CPQ: variants seen among roughly 807,000 people sequenced by gnomAD.
CPQ encodes carboxypeptidase Q, also known as Ser-Met dipeptidase.
CPQ carries 37 observed loss-of-function variants against 45.7 expected under a neutral mutation model. The observed-to-expected ratio is 0.81, with a 90% CI of 0.62 to 1.07. The LOEUF is 1.07. Among genes scored for constraint, CPQ ranks in the 50% least tolerant of loss-of-function variants. CPQ has a pLI of 0.00. For missense variants in CPQ, 537 were observed against 572.9 expected (o/e 0.94, Z 0.64); for synonymous variants, 186 against 205.8 (o/e 0.90, Z 0.82).
chr8:96,713,838 A>G (rs1029160939), intron 1 of CPQ, among the ~76,000 whole-genome samples: 1 of 152,248 alleles, frequency 6.6e-6, no homozygotes, highest in Non-Finnish European at 1.5e-5. Flanking sequence ...CTGGTGTGGT[A>G]GTGACAAACT....
intron 4 of CPQ, among the ~76,000 whole-genome samples, chr8:96,906,922 A>G (rs1812586931): frequency 6.6e-6 from 1 of 152,182 alleles, no homozygotes; most frequent in Non-Finnish European, 1.5e-5. Context: ...ATTTTCTAAT[A>G]AGCTATTAGT....
At chr8:97,065,647 C>T (rs1265909376) in intron 6 of CPQ, among the ~76,000 whole-genome samples, 3 of 152,154 alleles carry the variant, frequency 2.0e-5, no homozygotes, top group Non-Finnish European at 4.4e-5. Flanking sequence ...ATCTGGAGAT[C>T]CCTGCCACAT....
At chr8:96,691,020 G>T (rs1376856487) in intron 1 of CPQ, among the ~76,000 whole-genome samples, 1 of 145,232 alleles carries the variant, frequency 6.9e-6, no homozygotes, top group Admixed American at 6.7e-5. Flanking sequence ...AAGAATAAAT[G>T]TACAGAAATT....
At chr8:96,984,500 C>T (rs747823853) in intron 5 of CPQ, among the ~76,000 whole-genome samples, 4 of 152,126 alleles carry the variant, frequency 2.6e-5, no homozygotes, top group African/African-American at 4.8e-5. Flanking sequence ...CAGTTTCTCC[C>T]CTCTGGAAGA....
intron 1 of CPQ, among the ~76,000 whole-genome samples, chr8:96,736,998 A>G (rs923296447): frequency 6.6e-6 from 1 of 151,758 alleles, no homozygotes; most frequent in Admixed American, 6.6e-5. Flanking sequence ...CTCTTTCTGT[A>G]TTTCTCATTC....
chr8:96,785,200 G>A lies in CPQ; in HGVS notation c.303G>A (p.Glu101=). 6.2e-7 allele frequency: 1 copy of A among 1,613,630 alleles called. No individual in the cohort carries two copies. Residue 101 remains glutamate, a synonymous_variant, in exon 2 of 8, where the codon GAG becomes GAA. Coordinates refer to ENST00000220763, the MANE Select transcript of CPQ (RefSeq NM_016134.4). Reference sequence around the variant, plus strand: ...AAAACCTGCAGCAAGATGGGCTGGAGAAAGTTCACCTGGAGCCAGTGAGAA... The same window carrying A: ...AAAACCTGCAGCAAGATGGGCTGGAAAAAGTTCACCTGGAGCCAGTGAGAA... ...MYQNLQQDGL[E]KVHLEPVRIP... is the part of the protein sequence containing the mutation.
intron 7 of CPQ, among the ~76,000 whole-genome samples, chr8:97,088,141 C>T (rs1811071005): frequency 6.6e-6 from 1 of 152,094 alleles, no homozygotes; most frequent in South Asian, 2.1e-4. Flanking sequence ...TGTGTTTGCC[C>T]TGAAAATATT....
At chr8:96,804,607 C>T (rs370611463) in intron 2 of CPQ, among the ~76,000 whole-genome samples, 1 of 151,520 alleles carries the variant, frequency 6.6e-6, no homozygotes. Flanking sequence ...AACCAAACAA[C>T]AGTTCATACT....
At chr8:96,722,151 T>C (rs1809771602) in intron 1 of CPQ, among the ~76,000 whole-genome samples, 1 of 152,208 alleles carries the variant, frequency 6.6e-6, no homozygotes, top group African/African-American at 2.4e-5. Flanking sequence ...CAATGCATGG[T>C]TCACAAGTAG....
chr8:96,698,962 C>T (rs1311243369), intron 1 of CPQ, among the ~76,000 whole-genome samples: 1 of 152,152 alleles, frequency 6.6e-6, no homozygotes, highest in Non-Finnish European at 1.5e-5. Flanking sequence ...CCATAAGATC[C>T]AGCAATCCCA....
intron 4 of CPQ, among the ~76,000 whole-genome samples, chr8:96,939,560 C>A (rs2130321294): frequency 6.6e-6 from 1 of 152,236 alleles, no homozygotes; most frequent in Admixed American, 6.5e-5. Context: ...TTTTAAAAAG[C>A]TTTATAAAAT....
At chr8:97,012,040 G>A (rs1414603581) in intron 5 of CPQ, among the ~76,000 whole-genome samples, 2 of 152,206 alleles carry the variant, frequency 1.3e-5, no homozygotes, top group African/African-American at 2.4e-5. Flanking sequence ...TGGTGATGAT[G>A]ATAAGAATAA....
At chr8:96,759,732 G>T (rs1318770117) in intron 1 of CPQ, among the ~76,000 whole-genome samples, 3 of 152,180 alleles carry the variant, frequency 2.0e-5, no homozygotes, top group Non-Finnish European at 4.4e-5. Context: ...GAGTAAGGGA[G>T]TGGAATGCTG....
intron 1 of CPQ, among the ~76,000 whole-genome samples, chr8:96,717,456 A>T (rs1809696949): frequency 6.6e-6 from 1 of 152,016 alleles, no homozygotes; most frequent in African/African-American, 2.4e-5. Context: ...TTTGGTGACT[A>T]TGGCCTTATA....
intron 1 of CPQ, among the ~76,000 whole-genome samples, chr8:96,774,053 C>T (rs1227176748): frequency 6.6e-6 from 1 of 152,054 alleles, no homozygotes; most frequent in Non-Finnish European, 1.5e-5. Context: ...GGCAGATCAC[C>T]TGAGGTCAGG....
chr8:97,097,814 G>C (rs1057135472), intron 7 of CPQ, among the ~76,000 whole-genome samples: 9 of 152,072 alleles, frequency 5.9e-5, no homozygotes, highest in Non-Finnish European at 8.8e-5. Context: ...AGGAGAGAGA[G>C]AGAGAGAGAA....
intron 2 of CPQ, among the ~76,000 whole-genome samples, chr8:96,793,271 G>A (rs900622019): frequency 3.3e-5 from 5 of 152,068 alleles, no homozygotes; most frequent in Non-Finnish European, 7.4e-5. Context: ...CCCAAGACTG[G>A]GCAATTTACA....
chr8:96,755,053 CTTTCT>C (rs1810313100), intron 1 of CPQ, among the ~76,000 whole-genome samples: 1 of 151,694 alleles, frequency 6.6e-6, no homozygotes, highest in Admixed American at 6.6e-5. Context: ...TAGTTTTTTT[CTTTCT>C]TTTCTAGCTA....
At chr8:96,685,392 T>A (rs545990204) in intron 1 of CPQ, among the ~76,000 whole-genome samples, 1 of 152,180 alleles carries the variant, frequency 6.6e-6, no homozygotes, top group South Asian at 2.1e-4. Context: ...CTGTCTCAGA[T>A]TTATTTTGGT....
Sources: gnomAD v4.1 joint callset for allele counts (sites outside exome capture counted in the v4.1 genomes callset) on GRCh38, gnomAD v4.1.1 for gene constraint, MANE v1.5 for transcripts, NCBI Gene and HGNC (gene_info 2026-07-23, HGNC 2026-07-21) for gene names.